Variants in MUC22 observed in about 807,000 individuals in gnomAD.
MUC22 encodes mucin 22.
A neutral mutation model predicts 40.3 loss-of-function variants in MUC22; 24 were observed. The ratio of observed to expected loss-of-function variants is 0.60; its 90% CI spans 0.43 to 0.84. MUC22 has a LOEUF of 0.84. MUC22 is among the 40% of genes least tolerant of loss of function. MUC22 has a pLI of 0.00. For missense variants in MUC22, 1,926 were observed against 2,130.7 expected (o/e 0.90, Z 1.89); for synonymous variants, 765 against 844.5 (o/e 0.91, Z 1.63).
Position 31,032,728 on chromosome 6 carries a change from C to T in MUC22, c.5055+147C>T. 1.1e-6 allele frequency: 1 copy of T among 907,814 alleles called. No individual in the cohort carries two copies. The highest frequency in any genetic ancestry group is 1.8e-5 in the South Asian group (1 of 55,284). The allele number at this position is 907,814 out of a possible 1,614,324, so 56.2% of individuals were successfully genotyped here. On this transcript the variant is annotated intron_variant, in intron 3 of 3. Coordinates refer to ENST00000561890, the Ensembl canonical transcript of MUC22. The surrounding 1 kb of genome is among the most constrained non-coding windows in gnomAD (Gnocchi z 4.1). ...AGAATCACCTAGCCTGATATAAGGA[C>T]CAGAGAGAATGCTTAAGTCAGAGAA...
In MUC22 at chr6:31,011,954, G is replaced by A. The variant is rs116383079; in HGVS notation, c.70+1178G>A. On this transcript the variant is annotated intron_variant, in intron 1 of 3. Transcript: ENST00000561890. The surrounding 1 kb of genome is among the most constrained non-coding windows in gnomAD (Gnocchi z 4.5). ...CCCTGGTAGAAACAAACCGGAGTTC[G>A]GCCACTGAGGGGTTGGCTCTGACAT... Among the ~76,000 whole-genome samples the A allele has an allele frequency of 0.025, 3,857 of 152,198 alleles. 74 individuals are homozygous for A. Among genetic ancestry groups the A allele is most frequent in the Non-Finnish European group, 0.027 (1,833 of 68,026 alleles).
At chr6:31,018,222 C>T (rs1581617569) in intron 1 of MUC22, among the ~76,000 whole-genome samples, 1 of 152,134 alleles carries the variant, frequency 6.6e-6, no homozygotes, top group Non-Finnish European at 1.5e-5. Context: ...AGATAAAACC[C>T]TAAGCTGTTA....
chr6:31,030,119 T>G lies in MUC22; in HGVS notation c.4669+19T>G. 2 of 1,492,800 alleles carry G rather than the reference T, an allele frequency of 1.3e-6. No homozygotes were observed. Among genetic ancestry groups the G allele is most frequent in the Non-Finnish European group, 1.8e-6 (2 of 1,125,294 alleles). The allele number at this position is 1,492,800 out of a possible 1,614,324, so 92.5% of individuals were successfully genotyped here. A position where few individuals can be genotyped will look rare whatever the true frequency, so the allele number is the denominator to read the frequency against. On this transcript the variant is annotated intron_variant, in intron 2 of 3. Coordinates refer to ENST00000561890, the Ensembl canonical transcript of MUC22. ...ATGTCAGGTACTAACCCCCATGTCT[T>G]CTTTGAGCCCACACATTTTAACTCC...
At chr6:31,015,111 T>A (rs1764101852) in intron 1 of MUC22, among the ~76,000 whole-genome samples, 1 of 152,222 alleles carries the variant, frequency 6.6e-6, no homozygotes, top group African/African-American at 2.4e-5. Context: ...ACCACCTAGT[T>A]GCCTAGTACT....
intron 1 of MUC22, among the ~76,000 whole-genome samples, chr6:31,017,172 C>A (rs1373501031): frequency 1.3e-5 from 2 of 152,236 alleles, no homozygotes; most frequent in African/African-American, 2.4e-5. Flanking sequence ...TGCCCAAGGG[C>A]TGAGGAGTAC....
intron 1 of MUC22, among the ~76,000 whole-genome samples, chr6:31,017,852 C>T (rs1764348000): frequency 6.6e-6 from 1 of 152,230 alleles, no homozygotes; most frequent in Admixed American, 6.5e-5. Context: ...CGCTTGGGTA[C>T]TCTTCTATAG....
Position 31,025,562 on chromosome 6 carries a change from G to T in MUC22, c.131G>T (p.Gly44Val), listed in dbSNP as rs759861215. 16 of 1,528,566 alleles carry T rather than the reference G, an allele frequency of 1.0e-5. No homozygotes were observed. In the South Asian group the frequency reaches 1.8e-4, roughly 17 times the overall value. 94.7% of individuals were successfully genotyped at this position (1,528,566 alleles called of 1,614,324 possible). Residue 44 changes from glycine to valine, a missense_variant, in exon 2 of 4, where the codon GGC becomes GTC. By Grantham distance (109) the Gly-to-Val change is moderately radical. This residue lies in a region of MUC22 where 1,281 missense variants were observed against 1,337.8 expected (regional missense o/e 0.96). Transcript: ENST00000561890. ...GACACCACCACAGCCTCCATCACAG[G>T]CTCTGAGACCACCATGGCCTCCACC...
rs1562619800 is a variant in MUC22 at position 31,029,851 on chromosome 6, G to A, written c.4420G>A (p.Glu1474Lys). Residue 1474 changes from glutamate to lysine, a missense_variant, in exon 2 of 4, where the codon GAG (glutamate) becomes AAG (lysine). Coordinates refer to ENST00000561890, the Ensembl canonical transcript of MUC22. ...CAACACAGCCTGTACCACAGGTTCTGAGACCTCCACACCCTCCAGTGCAGG... is the reference window on the plus strand; with the variant it reads ...CAACACAGCCTGTACCACAGGTTCTAAGACCTCCACACCCTCCAGTGCAGG... The A allele has an allele frequency of 6.8e-7, 1 of 1,471,374 alleles. No individual in the cohort carries two copies. Among genetic ancestry groups the A allele is most frequent in the East Asian group, 2.6e-5 (1 of 38,860 alleles). 91.1% of individuals were successfully genotyped at this position (1,471,374 alleles called of 1,614,324 possible). A position where few individuals can be genotyped will look rare whatever the true frequency, so the allele number is the denominator to read the frequency against.
exon 2 of MUC22, chr6:31,028,426 A>G (rs986155686): frequency 9.1e-6 from 14 of 1,532,292 alleles, no homozygotes; most frequent in Non-Finnish European, 1.2e-5. Context: ...CACAGCCTCT[A>G]CTGAAGGCTC....
rs1397619461 is a variant in MUC22 at position 31,032,027 on chromosome 6, C to T, written c.4670-169C>T. On this transcript the variant is annotated intron_variant, in intron 2 of 3. Transcript: ENST00000561890. The surrounding 1 kb of genome is among the most constrained non-coding windows in gnomAD (Gnocchi z 4.1). ...ATGACACCCACCTGCATTCTGGGGA[C>T]ATGGCCACAGCAGAATCGCTTTCTA... Among the ~76,000 whole-genome samples the T allele has an allele frequency of 6.6e-6, 1 of 152,168 alleles. No individual in the cohort carries two copies. The highest frequency in any genetic ancestry group is 2.4e-5 in the African/African-American group (1 of 41,428).
Position 31,020,742 on chromosome 6 carries a change from C to T in MUC22, c.71-4760C>T, listed in dbSNP as rs965603186. Among the ~76,000 whole-genome samples the T allele has an allele frequency of 3.3e-5, 5 of 152,276 alleles. No homozygotes were observed. In the East Asian group the frequency reaches 5.8e-4, roughly 18 times the overall value. The stretch of plus-strand genomic sequence containing the variant: ...TGGAGGGAGAGGTGCGAGCGGGAAC[C>T]GGGACTGTGCGCGGCGCTTGCGGGC... On this transcript the variant is annotated intron_variant, in intron 1 of 3. Transcript: ENST00000561890.
rs1352665922 is a variant in MUC22, at chr6:31,028,876, T to C, written c.3445T>C (p.Ser1149Pro). The C allele has an allele frequency of 1.7e-5, 26 of 1,532,848 alleles. No individual in the cohort carries two copies. The highest frequency in any genetic ancestry group is 5.9e-5 in the Admixed American group (3 of 50,796). The allele number at this position is 1,532,848 out of a possible 1,614,324, so 95.0% of individuals were successfully genotyped here. A position where few individuals can be genotyped will look rare whatever the true frequency, so the allele number is the denominator to read the frequency against. ...TGAAGGCTCTGAGACTACCACCACC[T>C]CTACTGAAGGCTCTGAGACCACCAC... Residue 1149 changes from serine (S) to proline (P), a missense_variant, in exon 2 of 4, where the codon TCT becomes CCT. Physicochemically the swap from Ser to Pro is moderately conservative, Grantham distance 74. This residue lies in a region of MUC22 where 35 missense variants were observed against 78.3 expected (regional missense o/e 0.45). Coordinates refer to ENST00000561890, the Ensembl canonical transcript of MUC22.
At chr6:31,025,811 C>G (rs1034092457) in exon 2 of MUC22, 2 of 1,532,418 alleles carry the variant, frequency 1.3e-6, no homozygotes. Flanking sequence ...GGCTCTGAAA[C>G]TATCGTGGCC....
At chr6:31,025,678 T>C in exon 2 of MUC22, 1 of 1,532,996 alleles carries the variant, frequency 6.5e-7, no homozygotes, top group South Asian at 1.2e-5. Context: ...CACCATGGCT[T>C]CTACTGCAGC....
At chr6:31,025,535 C>G in exon 2 of MUC22, 2 of 1,517,758 alleles carry the variant, frequency 1.3e-6, no homozygotes, top group Non-Finnish European at 1.8e-6. Context: ...ACAAAAGGCT[C>G]CGACACCACC....
chr6:31,028,833 G>A lies in MUC22; in HGVS notation c.3402G>A (p.Glu1134=). 10 of 1,532,420 alleles carry A rather than the reference G, an allele frequency of 6.5e-6. 1 individual carries two copies. The Middle Eastern group carries it at 1.7e-3, about 257-fold the overall frequency. 94.9% of individuals were successfully genotyped at this position (1,532,420 alleles called of 1,614,324 possible). ...CTACAGCCACTACCATAGGCTCTGA[G>A]ACCACCACAGCCTCTACTGAAGGCT... is the stretch of plus-strand genomic sequence containing the variant. Residue 1134 remains glutamate, a synonymous_variant, in exon 2 of 4, where the codon GAG becomes GAA. Transcript: ENST00000561890.
At chr6:31,026,982 A>T (rs34632463) in exon 2 of MUC22, 103,277 of 1,505,926 alleles carry the variant, frequency 0.069, 14,394 homozygotes, top group Admixed American at 0.08. Context: ...AAACCAACAC[A>T]GCATTTACTG....
rs373660678 is a variant in MUC22 at position 31,032,620 on chromosome 6, G to T, written c.5055+39G>T. The T allele has an allele frequency of 3.3e-6, 5 of 1,500,290 alleles. No individual in the cohort carries two copies. Among genetic ancestry groups the T allele is most frequent in the South Asian group, 1.3e-5 (1 of 77,230 alleles). The allele number at this position is 1,500,290 out of a possible 1,614,324, so 92.9% of individuals were successfully genotyped here. A position where few individuals can be genotyped will look rare whatever the true frequency, so the allele number is the denominator to read the frequency against. On this transcript the variant is annotated intron_variant, in intron 3 of 3. Coordinates refer to ENST00000561890, the Ensembl canonical transcript of MUC22. The surrounding 1 kb of genome is among the most constrained non-coding windows in gnomAD (Gnocchi z 4.1). ...GTGGGTTCATAGGGGAGCCTGGCAAGAAGGCAGGGGGGAATCATGTCAGCA... is the reference window on the plus strand; with the variant it reads ...GTGGGTTCATAGGGGAGCCTGGCAATAAGGCAGGGGGGAATCATGTCAGCA...
chr6:31,015,338 A>T (rs902227524), intron 1 of MUC22, among the ~76,000 whole-genome samples: 1 of 152,190 alleles, frequency 6.6e-6, no homozygotes, highest in Non-Finnish European at 1.5e-5. Flanking sequence ...TACAGAAATT[A>T]AAAATATATA....
Sources: allele counts gnomAD v4.1 joint callset (sites outside exome capture counted in the v4.1 genomes callset), GRCh38; gene constraint gnomAD v4.1.1; regional missense constraint gnomAD v4.1.1; non-coding constraint Gnocchi (gnomAD v3.1); transcripts MANE v1.5; gene names NCBI Gene and HGNC (gene_info 2026-07-23, HGNC 2026-07-21).